Variants in LRIF1 observed in about 807,000 individuals in gnomAD.
LRIF1 encodes the protein ligand-dependent nuclear receptor-interacting factor 1.
LRIF1 carries 32 observed loss-of-function variants against 52.7 expected under a neutral mutation model. The observed-to-expected ratio is 0.61, with a 90% confidence interval of 0.46 to 0.82. The LOEUF is 0.82. Among genes scored for constraint, LRIF1 ranks in the 40% least tolerant of loss-of-function variants. The pLI, the probability that LRIF1 is intolerant of heterozygous loss-of-function variation, is 0.00. For missense variants in LRIF1, 887 were observed against 892.0 expected (o/e 0.99, Z 0.07); for synonymous variants, 323 against 317.4 (o/e 1.02, Z -0.19).
Position 110,963,869 on chromosome 1 carries a change from C to T in LRIF1, c.-181G>A. The stretch of plus-strand genomic sequence containing the variant: ...CTCGAGAGGGTGTATCCCCAGGCTT[C>T]GGGACGAGGTCGCGCACCGCGCAGA... On this transcript the variant is annotated 5_prime_UTR_variant, in exon 1 of 4. Coordinates refer to ENST00000369763, the MANE Select transcript of LRIF1 (RefSeq NM_018372.4). The T allele has an allele frequency of 4.2e-6, 2 of 480,212 alleles. No individual in the cohort carries two copies. Among genetic ancestry groups the T allele is most frequent in the Non-Finnish European group, 7.7e-6 (2 of 259,726 alleles). The allele number at this position is 480,212 out of a possible 1,614,324, so 29.7% of individuals were successfully genotyped here. A position where few individuals can be genotyped will look rare whatever the true frequency, so the allele number is the denominator to read the frequency against.
At chr1:110,914,203 A>G in the LRIF1 span, among the ~76,000 whole-genome samples, 18 of 152,118 alleles carry the variant, frequency 1.2e-4, no homozygotes, top group Non-Finnish European at 1.9e-4. Flanking sequence ...CCTAGTGAGT[A>G]CTATGCTCAC....
At chr1:110,950,603 A>G (rs1401101482) in intron 2 of LRIF1, among the ~76,000 whole-genome samples, 2 of 152,118 alleles carry the variant, frequency 1.3e-5, no homozygotes, top group African/African-American at 2.4e-5. Context: ...ATGGGTACAA[A>G]TATCTAGTAA....
At chr1:110,913,323 TG>T in the LRIF1 span, among the ~76,000 whole-genome samples, 1 of 152,108 alleles carries the variant, frequency 6.6e-6, no homozygotes, top group African/African-American at 2.4e-5. Context: ...AATAGACAAT[TG>T]GGACCTAATT....
In LRIF1 at chr1:110,963,841, G is replaced by A. The variant is rs1659069770; in HGVS notation, c.-153C>T. ...CGACCTTAACGGAGGGCGACAGCGG[G>A]CTCTCGAGAGGGTGTATCCCCAGGC... is the stretch of plus-strand genomic sequence containing the variant. On this transcript the variant is annotated 5_prime_UTR_variant, in exon 1 of 4. Transcript: ENST00000369763. The A allele has an allele frequency of 5.3e-6, 3 of 565,318 alleles. No individual in the cohort carries two copies. Among genetic ancestry groups the A allele is most frequent in the Non-Finnish European group, 6.4e-6 (2 of 310,348 alleles). The allele number at this position is 565,318 out of a possible 1,614,324, so 35.0% of individuals were successfully genotyped here. A position where few individuals can be genotyped will look rare whatever the true frequency, so the allele number is the denominator to read the frequency against.
chr1:110,891,326 G>A, the LRIF1 span: 1 of 1,082,950 alleles, frequency 9.2e-7, no homozygotes, highest in South Asian at 1.3e-5. Flanking sequence ...CTGAACATTT[G>A]TGCACTCTGA....
chr1:110,882,262 T>G, the LRIF1 span, among the ~76,000 whole-genome samples: 2 of 152,184 alleles, frequency 1.3e-5, no homozygotes, highest in South Asian at 4.1e-4. Context: ...CTAGTTACGA[T>G]TTCGTATGGA....
the LRIF1 span, among the ~76,000 whole-genome samples, chr1:110,915,638 T>TGGA: frequency 6.6e-6 from 1 of 152,076 alleles, no homozygotes; most frequent in African/African-American, 2.4e-5. Context: ...TGACTATCCA[T>TGGA]GGAGGAGGAG....
At chr1:110,893,221 C>T in the LRIF1 span, among the ~76,000 whole-genome samples, 5 of 152,192 alleles carry the variant, frequency 3.3e-5, no homozygotes, top group African/African-American at 7.2e-5. Context: ...TACCAATAGG[C>T]GTGGGTTTCT....
chr1:110,955,005 A>G (rs1195579978), intron 1 of LRIF1, among the ~76,000 whole-genome samples: 2 of 152,184 alleles, frequency 1.3e-5, no homozygotes, highest in Admixed American at 6.5e-5. Flanking sequence ...CGCATGAACA[A>G]TTTCAATATT....
At chr1:110,894,416 C>A in the LRIF1 span, 1 of 1,598,184 alleles carries the variant, frequency 6.3e-7, no homozygotes, top group African/African-American at 1.3e-5. Context: ...GTTATAAAGA[C>A]AACAACTTAT....
At position 110,951,334 on chromosome 1, in the gene LRIF1, G is replaced by A; in HGVS notation, c.1550C>T (p.Thr517Ile). Residue 517 changes from threonine (T) to isoleucine (I), a missense_variant, in exon 2 of 4, where the codon ACA becomes ATA. Coordinates refer to ENST00000369763, the MANE Select transcript of LRIF1 (RefSeq NM_018372.4). Reference protein sequence around the residue: ...IEKISSSVDATTVTSQQCVFR... With the variant: ...IEKISSSVDAITVTSQQCVFR... ...AACACACTGTTGTGAAGTAACAGTT[G>A]TTGCATCAACAGAGGAACTTATTTT... 1.9e-6 allele frequency: 3 copies of A among 1,614,100 alleles called. No homozygotes were observed. The South Asian group carries it at 3.3e-5, about 18-fold the overall frequency.
At chr1:110,878,058 C>T in the LRIF1 span, among the ~76,000 whole-genome samples, 1 of 152,166 alleles carries the variant, frequency 6.6e-6, no homozygotes, top group Non-Finnish European at 1.5e-5. Context: ...TGGCCTTCAC[C>T]CTGCCTTTGA....
chr1:110,962,841 C>A (rs2101127288), intron 1 of LRIF1, among the ~76,000 whole-genome samples: 1 of 152,136 alleles, frequency 6.6e-6, no homozygotes, highest in East Asian at 1.9e-4. Context: ...AATCTACTAA[C>A]CATGTGAGAG....
chr1:110,948,151 G>A lies in LRIF1; in HGVS notation c.2118C>T (p.Gly706=). The A allele has an allele frequency of 2.5e-6, 4 of 1,614,042 alleles. No individual in the cohort carries two copies. Among genetic ancestry groups the A allele is most frequent in the Non-Finnish European group, 3.4e-6 (4 of 1,180,000 alleles). ...CATAAGCTGCATTTGAATTCAAAGT[G>A]CCTTTCTCTTGCTTCTCATGGGTAT... ...EYYTHEKQEK[G]TLNSNAAYEQ... Residue 706 remains glycine (G), a synonymous_variant, in exon 4 of 4, where the codon GGC becomes GGT. Coordinates refer to ENST00000369763, the MANE Select transcript of LRIF1 (RefSeq NM_018372.4).
At chr1:110,957,718 G>A (rs1219081749) in intron 1 of LRIF1, among the ~76,000 whole-genome samples, 5 of 152,018 alleles carry the variant, frequency 3.3e-5, no homozygotes, top group Admixed American at 2.0e-4. Flanking sequence ...ATATGGCAGC[G>A]CCAATATTTT....
At chr1:110,961,758 T>C (rs541417156) in intron 1 of LRIF1, among the ~76,000 whole-genome samples, 13 of 152,170 alleles carry the variant, frequency 8.5e-5, no homozygotes, top group African/African-American at 2.9e-4. Context: ...TCCAATAAAC[T>C]ACAAGGGCCG....
intron 2 of LRIF1, among the ~76,000 whole-genome samples, chr1:110,950,625 G>A (rs558954852): frequency 2.0e-5 from 3 of 151,970 alleles, no homozygotes; most frequent in African/African-American, 7.2e-5. Context: ...CACACAGACA[G>A]ACAAACCTTA....
chr1:110,940,398 A>G, the LRIF1 span: 1 of 152,216 alleles, frequency 6.6e-6, no homozygotes, highest in African/African-American at 2.4e-5. Flanking sequence ...ACATTAGCAC[A>G]ACTACTATTG....
At chr1:110,938,013 G>T in the LRIF1 span, 6 of 151,916 alleles carry the variant, frequency 3.9e-5, no homozygotes, top group Non-Finnish European at 7.4e-5. Context: ...GAACTATGAA[G>T]AAATCCAAAA....
Sources: allele counts gnomAD v4.1 joint callset (sites outside exome capture counted in the v4.1 genomes callset), GRCh38; gene constraint gnomAD v4.1.1; transcripts MANE v1.5; gene names NCBI Gene and HGNC (gene_info 2026-07-23, HGNC 2026-07-21).